Variants in OSBPL10 observed in about 807,000 individuals in gnomAD.
OSBPL10 encodes the protein oxysterol binding protein like 10.
A neutral mutation model predicts 81.7 loss-of-function variants in OSBPL10; 49 were observed. The ratio of observed to expected loss-of-function variants is 0.60; its 90% CI spans 0.48 to 0.76. The LOEUF (loss-of-function observed/expected upper bound fraction) is 0.76. Ranked by LOEUF, OSBPL10 falls within the 30% of genes least tolerant of loss-of-function variation. The pLI is 0.00. For synonymous variants in OSBPL10, 419 were observed against 383.6 expected (o/e 1.09, Z -1.08); for missense variants, 923 against 987.8 (o/e 0.93, Z 0.88).
chr3:32,007,574 A>G (rs1166852330), intron 2 of OSBPL10, among the ~76,000 whole-genome samples: 2 of 151,202 alleles, frequency 1.3e-5, no homozygotes, highest in Non-Finnish European at 2.9e-5. Context: ...TCCAATCTCA[A>G]CCTCTGTCTT....
intron 1 of OSBPL10, among the ~76,000 whole-genome samples, chr3:31,895,173 G>A (rs925251071): frequency 1.2e-4 from 16 of 133,778 alleles, no homozygotes; most frequent in African/African-American, 4.7e-4. Flanking sequence ...TCACTCTGTC[G>A]CCCAGGCTGG....
intron 1 of OSBPL10, among the ~76,000 whole-genome samples, chr3:31,881,079 G>A (rs575811598): frequency 2.0e-5 from 3 of 152,256 alleles, no homozygotes; most frequent in South Asian, 2.1e-4. Context: ...TCTCCTGACC[G>A]GGTCAAATAT....
chr3:31,867,833 G>T (rs1701219765), intron 3 of OSBPL10, among the ~76,000 whole-genome samples: 1 of 151,954 alleles, frequency 6.6e-6, no homozygotes, highest in African/African-American at 2.4e-5. Context: ...CAGACAGAAG[G>T]GCAAGTAGCT....
At position 31,668,750 on chromosome 3, in the gene OSBPL10, A is replaced by G. The variant is rs1392578191; in HGVS notation, c.1988T>C (p.Leu663Ser). ...TTCTCCATTGTTGTAGGTGAACTCT[A>G]AAGTACCATTCCATTCCCCATGGGC... ...CKAHGEWNGTLEFTYNNGETK... is the reference protein window; with the variant it reads ...CKAHGEWNGTSEFTYNNGETK... The change falls in exon 10 of 12, where the codon TTA (leucine) becomes TCA (serine). Residue 663 changes from leucine (L) to serine (S), a missense_variant. Physicochemically the swap from Leu to Ser is moderately radical, Grantham distance 145. Around this residue, in one of 3 missense-constraint regions of OSBPL10, gnomAD observed 387 missense variants for 436.3 expected, o/e 0.89. Coordinates refer to ENST00000396556, the MANE Select transcript of OSBPL10 (RefSeq NM_017784.5). 5.0e-6 allele frequency: 8 copies of G among 1,614,048 alleles called. No individual in the cohort carries two copies.
chr3:31,802,015 G>C (rs1316969063), intron 4 of OSBPL10, among the ~76,000 whole-genome samples: 1 of 151,534 alleles, frequency 6.6e-6, no homozygotes, highest in African/African-American at 2.4e-5. Context: ...TAGAGATGGG[G>C]TTTCTCCATA....
At chr3:31,794,643 TG>T in intron 4 of OSBPL10, 1 of 323,156 alleles carries the variant, frequency 3.1e-6, no homozygotes. Flanking sequence ...GTTGTTGGTG[TG>T]GAGTGAAAGA....
In OSBPL10 at chr3:31,809,313, G is replaced by A. The variant is rs544376327; in HGVS notation, c.729+20727C>T. ...TATTTACAAGTCGCCCAATCAAGTA[G>A]AACATGTAATGGAAAAAGTCTCATT... is the stretch of plus-strand genomic sequence containing the variant. On this transcript the variant is annotated intron_variant, in intron 4 of 11. Transcript: ENST00000396556. 2.6e-3 allele frequency among the ~76,000 whole-genome samples: 393 copies of A among 152,250 alleles called. 1 individual carries two copies. The highest frequency in any genetic ancestry group is 0.014 in the Middle Eastern group (4 of 294).
At chr3:31,901,376 C>G (rs949956354) in intron 1 of OSBPL10, among the ~76,000 whole-genome samples, 1 of 152,196 alleles carries the variant, frequency 6.6e-6, no homozygotes, top group African/African-American at 2.4e-5. Flanking sequence ...CTGCTCATTC[C>G]GCCTGCTCTG....
intron 1 of OSBPL10, among the ~76,000 whole-genome samples, chr3:31,929,268 C>T (rs1429308254): frequency 1.3e-5 from 2 of 152,148 alleles, no homozygotes; most frequent in Admixed American, 6.5e-5. Flanking sequence ...AGAAATTCTA[C>T]TCAGGAACAA....
chr3:31,978,425 C>A (rs1698742714), intron 1 of OSBPL10, among the ~76,000 whole-genome samples: 1 of 152,186 alleles, frequency 6.6e-6, no homozygotes, highest in Non-Finnish European at 1.5e-5. Flanking sequence ...GATAATTGAA[C>A]AAATGAATAC....
intron 4 of OSBPL10, among the ~76,000 whole-genome samples, chr3:31,750,210 C>G (rs1697669425): frequency 6.6e-6 from 1 of 152,036 alleles, no homozygotes; most frequent in Non-Finnish European, 1.5e-5. Flanking sequence ...AATTGCACCT[C>G]CAGCCCAATC....
chr3:31,909,855 T>C (rs1022600720), intron 1 of OSBPL10, among the ~76,000 whole-genome samples: 1 of 152,188 alleles, frequency 6.6e-6, no homozygotes, highest in African/African-American at 2.4e-5. Flanking sequence ...CACCATTTTT[T>C]TAAAAATGTT....
chr3:31,878,069 CT>C (rs566565402), intron 2 of OSBPL10, among the ~76,000 whole-genome samples: 3 of 151,962 alleles, frequency 2.0e-5, no homozygotes, highest in Admixed American at 1.3e-4. Context: ...TTTATCCTGA[CT>C]TTTTTTTATA....
chr3:32,066,208 GGAAGGAA>G (rs1440214862), intron 1 of OSBPL10, among the ~76,000 whole-genome samples: 2 of 57,080 alleles, frequency 3.5e-5, no homozygotes, highest in African/African-American at 7.5e-5. Flanking sequence ...AAGGAAGGAA[GGAAGGAA>G]GGACATCCCC....
intron 2 of OSBPL10, among the ~76,000 whole-genome samples, chr3:32,039,332 A>G (rs1699549406): frequency 1.5e-5 from 2 of 131,492 alleles, no homozygotes; most frequent in South Asian, 5.9e-4. Context: ...TTGCAAAAAT[A>G]AATAAATAAA....
At chr3:31,996,909 A>G (rs1210147885) in intron 2 of OSBPL10, among the ~76,000 whole-genome samples, 3 of 152,202 alleles carry the variant, frequency 2.0e-5, no homozygotes, top group Admixed American at 1.3e-4. Flanking sequence ...TTGGAGAACT[A>G]AAGCCAAGCT....
chr3:31,897,979 G>A (rs1466599098), intron 1 of OSBPL10, among the ~76,000 whole-genome samples: 1 of 122,408 alleles, frequency 8.2e-6, no homozygotes, highest in Non-Finnish European at 1.6e-5. Context: ...CTGCACCCCA[G>A]CTTGGGTGAC....
chr3:32,072,015 G>A (rs1440252175), intron 1 of OSBPL10, among the ~76,000 whole-genome samples: 1 of 152,028 alleles, frequency 6.6e-6, no homozygotes, highest in African/African-American at 2.4e-5. Flanking sequence ...ATCTATCATT[G>A]AGGCTACCAC....
intron 5 of OSBPL10, among the ~76,000 whole-genome samples, chr3:31,734,081 T>C (rs1167725255): frequency 6.6e-6 from 1 of 152,002 alleles, no homozygotes; most frequent in African/African-American, 2.4e-5. Context: ...CTGCTCAAAA[T>C]GTGGTTTGAA....
Sources: gnomAD v4.1 joint callset for allele counts (sites outside exome capture counted in the v4.1 genomes callset) on GRCh38, gnomAD v4.1.1 for gene constraint, gnomAD v4.1.1 regional missense constraint, MANE v1.5 for transcripts, NCBI Gene and HGNC (gene_info 2026-07-23, HGNC 2026-07-21) for gene names.